The following TASP1 variants were observed in gnomAD, a reference collection of about 807,000 sequenced individuals.
The protein encoded by TASP1 is taspase 1, also known as threonine aspartase 1.
Under a neutral mutation model 56.6 loss-of-function variants are expected in TASP1, and 16 were observed. The observed-to-expected ratio is 0.28, with a 90% confidence interval of 0.19 to 0.43. The LOEUF is 0.43. Among genes scored for constraint, TASP1 ranks in the 20% least tolerant of loss-of-function variants. TASP1 has a pLI of 1.00. For synonymous variants in TASP1, 179 were observed against 184.2 expected, an observed-to-expected ratio of 0.97 and a Z score of 0.23; for missense variants, 393 against 511.6, an observed-to-expected ratio of 0.77 and a Z score of 2.24.
intron 8 of TASP1, among the ~76,000 whole-genome samples, chr20:13,535,328 G>A (rs1302393988): frequency 6.6e-6 from 1 of 152,166 alleles, no homozygotes; most frequent in Non-Finnish European, 1.5e-5. Flanking sequence ...AAAGCAAACT[G>A]GAAAACTCAG....
chr20:13,412,668 G>A (rs1469050060), intron 13 of TASP1, among the ~76,000 whole-genome samples: 2 of 152,052 alleles, frequency 1.3e-5, no homozygotes, highest in Non-Finnish European at 2.9e-5. Context: ...GCTATCCTTT[G>A]TAAATATACA....
chr20:13,172,963 A>G, the TASP1 span, among the ~76,000 whole-genome samples: 1 of 152,302 alleles, frequency 6.6e-6, no homozygotes. Context: ...GTTGCCAAGC[A>G]ATCTCCTCCA....
the TASP1 span, among the ~76,000 whole-genome samples, chr20:13,220,604 T>C: frequency 6.6e-6 from 1 of 152,214 alleles, no homozygotes; most frequent in Non-Finnish European, 1.5e-5. Context: ...AGCCAACACC[T>C]GCGCCCGTGA....
At chr20:13,588,783 C>CT (rs1200514096) in intron 4 of TASP1, among the ~76,000 whole-genome samples, 3 of 152,026 alleles carry the variant, frequency 2.0e-5, no homozygotes, top group East Asian at 1.9e-4. Context: ...ATCCTAGCTA[C>CT]TTTTTTTGGC....
chr20:13,193,330 A>T, the TASP1 span, among the ~76,000 whole-genome samples: 1 of 152,196 alleles, frequency 6.6e-6, no homozygotes, highest in Non-Finnish European at 1.5e-5. Context: ...GGGTGAAAAA[A>T]AATCAAAGAT....
At chr20:13,266,587 T>C in the TASP1 span, among the ~76,000 whole-genome samples, 10 of 152,164 alleles carry the variant, frequency 6.6e-5, no homozygotes, top group African/African-American at 2.2e-4. Context: ...AACTCATAGA[T>C]TGATGTTCAA....
At chr20:13,313,975 A>G in the TASP1 span, among the ~76,000 whole-genome samples, 674 of 152,356 alleles carry the variant, frequency 4.4e-3, 3 homozygotes, top group African/African-American at 0.015. Flanking sequence ...GATCAAAAAC[A>G]TAACAGAAAT....
the TASP1 span, among the ~76,000 whole-genome samples, chr20:13,261,366 C>T: frequency 1.3e-5 from 2 of 150,902 alleles, no homozygotes; most frequent in African/African-American, 4.9e-5. Context: ...TGCAGTGAGC[C>T]GAGATCGCGC....
chr20:13,219,067 T>C, the TASP1 span, among the ~76,000 whole-genome samples: 7 of 152,216 alleles, frequency 4.6e-5, no homozygotes, highest in Admixed American at 3.9e-4. Flanking sequence ...CCAAAACTGT[T>C]ACTTTTAGAT....
chr20:13,469,221 A>G (rs2044379451), intron 11 of TASP1, among the ~76,000 whole-genome samples: 1 of 152,196 alleles, frequency 6.6e-6, no homozygotes, highest in African/African-American at 2.4e-5. Flanking sequence ...TTTAGTAGCT[A>G]TTTTAAATGG....
At chr20:13,209,701 T>C in the TASP1 span, among the ~76,000 whole-genome samples, 1 of 152,208 alleles carries the variant, frequency 6.6e-6, no homozygotes, top group Non-Finnish European at 1.5e-5. Flanking sequence ...GCCATTTATC[T>C]AGCTTATGAA....
At chr20:13,313,495 T>C in the TASP1 span, among the ~76,000 whole-genome samples, 1 of 152,192 alleles carries the variant, frequency 6.6e-6, no homozygotes, top group African/African-American at 2.4e-5. Context: ...CCATTTTCTG[T>C]ACAACACTTT....
chr20:13,613,715 A>G (rs1200710107), intron 4 of TASP1, among the ~76,000 whole-genome samples: 1 of 152,042 alleles, frequency 6.6e-6, no homozygotes, highest in Admixed American at 6.6e-5. Context: ...TTGAGGCTGT[A>G]GCCAATTGGC....
At chr20:13,253,799 A>G in the TASP1 span, among the ~76,000 whole-genome samples, 16,188 of 152,094 alleles carry the variant, frequency 0.11, 1,009 homozygotes, top group African/African-American at 0.16. Context: ...ACAATGGGCT[A>G]GTTCAGATAT....
chr20:13,344,733 C>T, the TASP1 span, among the ~76,000 whole-genome samples: 2 of 152,312 alleles, frequency 1.3e-5, no homozygotes, highest in East Asian at 1.9e-4. Flanking sequence ...TCATGTTCCC[C>T]GAGGGCCTTG....
At chr20:13,464,730 T>C (rs1453183358) in intron 11 of TASP1, among the ~76,000 whole-genome samples, 1 of 152,062 alleles carries the variant, frequency 6.6e-6, no homozygotes, top group East Asian at 1.9e-4. Context: ...AGTAGAATGA[T>C]AGTTGCCAGG....
rs1370560038 is a variant in TASP1 at position 13,411,245 on chromosome 20, T to C, written c.1170+6203A>G. On this transcript the variant is annotated intron_variant, in intron 13 of 13. Transcript: ENST00000337743. ...GTTTGCAAGGTATTCTGAAGTCAAGTAGTGTGAAGTATTCAGCTTTGTTCT... is the reference window on the plus strand; with the variant it reads ...GTTTGCAAGGTATTCTGAAGTCAAGCAGTGTGAAGTATTCAGCTTTGTTCT... 2.0e-5 allele frequency among the ~76,000 whole-genome samples: 3 copies of C among 152,196 alleles called. No individual in the cohort carries two copies. The East Asian group carries it at 5.8e-4, about 29-fold the overall frequency.
At chr20:13,612,472 G>C (rs2048379139) in intron 4 of TASP1, among the ~76,000 whole-genome samples, 1 of 148,222 alleles carries the variant, frequency 6.7e-6, no homozygotes, top group Non-Finnish European at 1.5e-5. Flanking sequence ...AACCTTTTTA[G>C]AACTAGTAAT....
chr20:13,253,404 G>C, the TASP1 span, among the ~76,000 whole-genome samples: 2 of 152,190 alleles, frequency 1.3e-5, no homozygotes, highest in Non-Finnish European at 2.9e-5. Flanking sequence ...ATTCGCTGTT[G>C]ATCTGATTGT....
Sources: gnomAD v4.1 joint callset for allele counts (sites outside exome capture counted in the v4.1 genomes callset) on GRCh38, gnomAD v4.1.1 for gene constraint, MANE v1.5 for transcripts, NCBI Gene and HGNC (gene_info 2026-07-23, HGNC 2026-07-21) for gene names.